The following CNTN1 variants were observed in gnomAD, a reference collection of about 807,000 sequenced individuals.
CNTN1 encodes the protein contactin 1, also known as contactin-1.
In CNTN1, 38 loss-of-function variants were observed where a neutral mutation model predicts 126.4. The observed-to-expected ratio is 0.30, with a 90% CI of 0.23 to 0.39. The LOEUF is 0.39. Ranked by LOEUF, CNTN1 falls within the 10% of genes least tolerant of loss-of-function variation. The pLI is 1.00. For synonymous variants in CNTN1, 413 were observed against 422.6 expected (o/e 0.98, Z 0.28); for missense variants, 1,009 against 1,248.4 (o/e 0.81, Z 2.89).
intron 1 of CNTN1, among the ~76,000 whole-genome samples, chr12:40,829,000 CA>C (rs1375593647): frequency 6.6e-6 from 1 of 152,046 alleles, no homozygotes. Context: ...TACCCCTATA[CA>C]ATTATAGGAC....
At chr12:40,925,638 TAGAG>T (rs796124911) in intron 6 of CNTN1, among the ~76,000 whole-genome samples, 2 of 143,504 alleles carry the variant, frequency 1.4e-5, no homozygotes, top group South Asian at 2.2e-4. Context: ...TATATATATA[TAGAG>T]AGAGAGAGTT....
At chr12:40,956,758 A>T (rs1946899795) in intron 14 of CNTN1, among the ~76,000 whole-genome samples, 1 of 152,066 alleles carries the variant, frequency 6.6e-6, no homozygotes, top group Non-Finnish European at 1.5e-5. Context: ...AGGAAAGGGA[A>T]ATTTTAAAGG....
intron 17 of CNTN1, among the ~76,000 whole-genome samples, chr12:41,013,826 A>G (rs1175235141): frequency 1.3e-5 from 2 of 152,232 alleles, no homozygotes; most frequent in Non-Finnish European, 2.9e-5. Context: ...GGGAAACATT[A>G]TCCAATACAA....
chr12:40,801,435 G>A (rs533654802), intron 1 of CNTN1, among the ~76,000 whole-genome samples: 100 of 151,954 alleles, frequency 6.6e-4, no homozygotes, highest in African/African-American at 2.3e-3. Flanking sequence ...TATAAAATTG[G>A]GTTGTTAATT....
chr12:40,739,279 C>A (rs1474093240), intron 1 of CNTN1, among the ~76,000 whole-genome samples: 1 of 151,942 alleles, frequency 6.6e-6, no homozygotes, highest in African/African-American at 2.4e-5. Context: ...AAGGATAAAT[C>A]TCAAAATCTC....
chr12:40,746,668 A>G (rs1466862420), intron 1 of CNTN1, among the ~76,000 whole-genome samples: 2 of 152,072 alleles, frequency 1.3e-5, no homozygotes, highest in African/African-American at 2.4e-5. Context: ...TGGACCGCCT[A>G]CATGCACGGT....
intron 1 of CNTN1, among the ~76,000 whole-genome samples, chr12:40,736,399 G>T (rs1450059004): frequency 6.6e-6 from 1 of 151,934 alleles, no homozygotes; most frequent in African/African-American, 2.4e-5. Context: ...GGTTTAAGAA[G>T]CTCTTGCAAT....
chr12:40,822,374 C>T (rs966162470), intron 1 of CNTN1, among the ~76,000 whole-genome samples: 1 of 151,640 alleles, frequency 6.6e-6, no homozygotes, highest in Non-Finnish European at 1.5e-5. Flanking sequence ...AGGCTGGTCT[C>T]AAACTCCTGA....
At chr12:40,859,477 A>T (rs1943044368) in intron 1 of CNTN1, among the ~76,000 whole-genome samples, 1 of 152,158 alleles carries the variant, frequency 6.6e-6, no homozygotes, top group African/African-American at 2.4e-5. Flanking sequence ...CTGTAAACCT[A>T]AAACTGCTCC....
At chr12:40,981,593 C>G (rs1947824070) in intron 16 of CNTN1, among the ~76,000 whole-genome samples, 1 of 152,008 alleles carries the variant, frequency 6.6e-6, no homozygotes, top group Non-Finnish European at 1.5e-5. Context: ...GATCTTTCAA[C>G]CTTTTTCTTT....
At chr12:40,775,459 G>A (rs777372750) in intron 1 of CNTN1, among the ~76,000 whole-genome samples, 4 of 151,168 alleles carry the variant, frequency 2.6e-5, no homozygotes, top group Non-Finnish European at 5.9e-5. Context: ...ATTATATTTT[G>A]GGTACTAAAT....
chr12:40,901,852 T>C (rs1196718041), intron 1 of CNTN1, among the ~76,000 whole-genome samples: 1 of 152,188 alleles, frequency 6.6e-6, no homozygotes, highest in Non-Finnish European at 1.5e-5. Context: ...ACCACTGCAA[T>C]AAGCTGCTTA....
intron 14 of CNTN1, among the ~76,000 whole-genome samples, chr12:40,952,309 G>A (rs1032592332): frequency 2.6e-5 from 4 of 152,024 alleles, no homozygotes; most frequent in African/African-American, 9.7e-5. Flanking sequence ...CTGGAACTCA[G>A]AAGTGAAAAG....
At chr12:40,810,386 G>A (rs944747417) in intron 1 of CNTN1, among the ~76,000 whole-genome samples, 1 of 152,058 alleles carries the variant, frequency 6.6e-6, no homozygotes, top group African/African-American at 2.4e-5. Context: ...TGTCCTTTTT[G>A]TGCTGACAAT....
At chr12:40,848,145 A>G (rs1268638052) in intron 1 of CNTN1, among the ~76,000 whole-genome samples, 18 of 152,124 alleles carry the variant, frequency 1.2e-4, no homozygotes, top group Non-Finnish European at 1.5e-5. Context: ...AAACTCTACA[A>G]ATATTTTTTC....
intron 14 of CNTN1, among the ~76,000 whole-genome samples, chr12:40,947,070 C>G (rs1481200725): frequency 1.3e-5 from 2 of 151,822 alleles, no homozygotes; most frequent in African/African-American, 4.8e-5. Context: ...AAAAATAACA[C>G]TGTCTTTGTA....
intron 1 of CNTN1, among the ~76,000 whole-genome samples, chr12:40,720,319 T>C (rs1942165161): frequency 6.6e-6 from 1 of 152,132 alleles, no homozygotes; most frequent in South Asian, 2.1e-4. Context: ...GTTTTTTTCA[T>C]TGACTTTTAA....
intron 1 of CNTN1, among the ~76,000 whole-genome samples, chr12:40,748,397 C>T (rs1160660033): frequency 6.6e-6 from 1 of 152,082 alleles, no homozygotes; most frequent in Non-Finnish European, 1.5e-5. Flanking sequence ...TTGCTAAATT[C>T]TCACAAATAG....
chr12:40,824,642 G>T (rs575913682), intron 1 of CNTN1, among the ~76,000 whole-genome samples: 2 of 152,064 alleles, frequency 1.3e-5, no homozygotes, highest in African/African-American at 4.8e-5. Flanking sequence ...ATTTTTACGC[G>T]ATAAAACTGA....
Sources: gnomAD v4.1 joint callset for allele counts (sites outside exome capture counted in the v4.1 genomes callset) on GRCh38, gnomAD v4.1.1 for gene constraint, MANE v1.5 for transcripts, NCBI Gene and HGNC (gene_info 2026-07-23, HGNC 2026-07-21) for gene names.